PARD3: variants seen among roughly 807,000 people sequenced by gnomAD.
PARD3 encodes the protein partitioning defective 3 homolog.
A neutral mutation model predicts 155.4 loss-of-function variants in PARD3; 75 were observed. The ratio of observed to expected loss-of-function variants is 0.48; its 90% CI spans 0.40 to 0.58. The LOEUF (loss-of-function observed/expected upper bound fraction) is 0.58, where lower values mean the gene tolerates loss of function less well. Ranked by LOEUF, PARD3 falls within the 20% of genes least tolerant of loss-of-function variation. The pLI is 0.00. For missense variants in PARD3, 1,642 were observed against 1,721.7 expected (o/e 0.95, Z 0.82); for synonymous variants, 576 against 610.5 (o/e 0.94, Z 0.83).
chr10:34,666,777 TAAAAAA>T lies in PARD3; in HGVS notation c.222+29535_222+29540del, dbSNP rs771593408. Among the ~76,000 whole-genome samples the T allele has an allele frequency of 7.9e-3, 135 of 17,070 alleles. 4 individuals carry two copies. The highest frequency in any genetic ancestry group is 0.018 in the African/African-American group (129 of 7,056). The allele number at this position is 17,070 out of a possible 152,430, so 11.2% of individuals were successfully genotyped here. A position where few individuals can be genotyped will look rare whatever the true frequency, so the allele number is the denominator to read the frequency against. On this transcript the variant is annotated intron_variant, in intron 2 of 24. Transcript: ENST00000374788. ...CTTCCACCTCACCTACCCCTCCCCC[TAAAAAA>T]AAAAAAAAAAAAAATATATATATAT...
At chr10:34,210,606 A>G (rs1951699123) in intron 22 of PARD3, among the ~76,000 whole-genome samples, 1 of 152,192 alleles carries the variant, frequency 6.6e-6, no homozygotes, top group Non-Finnish European at 1.5e-5. Context: ...CATAGTAGAT[A>G]TTAATGATCA....
intron 20 of PARD3, chr10:34,312,212 C>A: frequency 1.3e-6 from 2 of 1,486,734 alleles, no homozygotes; most frequent in Non-Finnish European, 9.1e-7. Context: ...AATTACTAAA[C>A]CATCAAACTG....
At chr10:34,613,907 T>C (rs958301667) in intron 2 of PARD3, among the ~76,000 whole-genome samples, 13 of 152,196 alleles carry the variant, frequency 8.5e-5, no homozygotes, top group Non-Finnish European at 1.6e-4. Context: ...ATTTATCATC[T>C]ATTGTCAGCA....
In PARD3 at chr10:34,252,573, C is replaced by T. The variant is rs967291263; in HGVS notation, c.3419+17084G>A. Among the ~76,000 whole-genome samples, 5 of 152,154 alleles carry T rather than the reference C, an allele frequency of 3.3e-5. No individual in the cohort carries two copies. The South Asian group carries it at 6.2e-4, about 19-fold the overall frequency. On this transcript the variant is annotated intron_variant, in intron 22 of 24. Coordinates refer to ENST00000374788, the MANE Select transcript of PARD3 (RefSeq NM_001184785.2). Reference sequence around the variant, plus strand: ...CAGTGATCTGAAAGGGAAATGGCAGCGGCCCTTGCTGATCTGTGTCTCAGC... The same window carrying T: ...CAGTGATCTGAAAGGGAAATGGCAGTGGCCCTTGCTGATCTGTGTCTCAGC...
At chr10:34,773,794 C>T (rs1839196983) in intron 1 of PARD3, among the ~76,000 whole-genome samples, 2 of 152,158 alleles carry the variant, frequency 1.3e-5, no homozygotes, top group South Asian at 4.1e-4. Context: ...CCACTAGGCA[C>T]TTAATGTTCT....
chr10:34,371,394 T>C (rs954550338), intron 12 of PARD3, among the ~76,000 whole-genome samples: 1 of 149,540 alleles, frequency 6.7e-6, no homozygotes, highest in Non-Finnish European at 1.5e-5. Context: ...TTGTCACCTG[T>C]TTTTAGAATT....
intron 1 of PARD3, among the ~76,000 whole-genome samples, chr10:34,718,671 A>G (rs2094558656): frequency 6.7e-6 from 1 of 148,748 alleles, no homozygotes; most frequent in Non-Finnish European, 1.5e-5. Context: ...CTCAAAAATA[A>G]AAATAAATTG....
chr10:34,278,467 T>C (rs1438193465), intron 21 of PARD3, among the ~76,000 whole-genome samples: 1 of 152,162 alleles, frequency 6.6e-6, no homozygotes, highest in African/African-American at 2.4e-5. Context: ...CCAAATCTCA[T>C]TGTGAATTGT....
At chr10:34,340,617 A>G (rs551344632) in intron 16 of PARD3, among the ~76,000 whole-genome samples, 1 of 152,324 alleles carries the variant, frequency 6.6e-6, no homozygotes, top group South Asian at 2.1e-4. Context: ...CCAAGAGAAC[A>G]TCTTCATAAT....
chr10:34,278,825 T>C (rs1956017228), intron 21 of PARD3, among the ~76,000 whole-genome samples: 2 of 152,208 alleles, frequency 1.3e-5, no homozygotes, highest in African/African-American at 4.8e-5. Context: ...ACACTTAATA[T>C]ATTGTGAAAC....
chr10:34,138,949 C>T (rs1948042422), intron 22 of PARD3, among the ~76,000 whole-genome samples: 1 of 140,818 alleles, frequency 7.1e-6, no homozygotes, highest in African/African-American at 2.6e-5. Context: ...GGAAATAATG[C>T]AATACCACAC....
chr10:34,800,800 T>C (rs1410063953), intron 1 of PARD3, among the ~76,000 whole-genome samples: 1 of 151,094 alleles, frequency 6.6e-6, no homozygotes, highest in Non-Finnish European at 1.5e-5. Flanking sequence ...AGATAAATAA[T>C]GCCCCTGATA....
chr10:34,725,730 A>G (rs894783609), intron 1 of PARD3, among the ~76,000 whole-genome samples: 1 of 152,228 alleles, frequency 6.6e-6, no homozygotes, highest in African/African-American at 2.4e-5. Context: ...TCCAACCAAG[A>G]ACAAGTGAAT....
At chr10:34,745,494 A>G (rs2133911519) in intron 1 of PARD3, among the ~76,000 whole-genome samples, 1 of 151,734 alleles carries the variant, frequency 6.6e-6, no homozygotes, top group South Asian at 2.1e-4. Flanking sequence ...AAAGGGAAGA[A>G]AGAAATGAAT....
At chr10:34,542,655 G>T (rs1261809329) in intron 2 of PARD3, among the ~76,000 whole-genome samples, 3 of 152,182 alleles carry the variant, frequency 2.0e-5, no homozygotes, top group Non-Finnish European at 2.9e-5. Flanking sequence ...CAAAGTAAGT[G>T]TAACAGTAGC....
In PARD3 at chr10:34,378,249, T is replaced by G. The variant is rs1451133016; in HGVS notation, c.1400-143A>C. On this transcript the variant is annotated intron_variant, in intron 9 of 24. Transcript: ENST00000374788. ...ATTTCTTCTACTACTTTAAAAGTTG[T>G]AATAAATTTTTCAAAATAGACTAAA... 15 of 608,100 alleles carry G rather than the reference T, an allele frequency of 2.5e-5. No individual in the cohort carries two copies. The East Asian group carries it at 4.7e-4, about 19-fold the overall frequency. 37.7% of individuals were successfully genotyped at this position (608,100 alleles called of 1,614,324 possible).
intron 3 of PARD3, among the ~76,000 whole-genome samples, chr10:34,475,403 A>AGG (rs1564754216): frequency 6.6e-6 from 1 of 152,256 alleles, no homozygotes; most frequent in African/African-American, 2.4e-5. Flanking sequence ...ACAAATATGT[A>AGG]GCTGGAAGAG....
intron 1 of PARD3, among the ~76,000 whole-genome samples, chr10:34,746,707 C>T (rs765826555): frequency 6.6e-6 from 1 of 152,152 alleles, no homozygotes; most frequent in Admixed American, 6.5e-5. Context: ...TATGTACATA[C>T]CCAATTTCCT....
chr10:34,713,486 G>A (rs926011244), intron 1 of PARD3, among the ~76,000 whole-genome samples: 14 of 152,056 alleles, frequency 9.2e-5, no homozygotes, highest in Non-Finnish European at 1.9e-4. Flanking sequence ...GGCCAGGTGC[G>A]GTGGCTCACA....
Sources: allele counts gnomAD v4.1 joint callset (sites outside exome capture counted in the v4.1 genomes callset), GRCh38; gene constraint gnomAD v4.1.1; transcripts MANE v1.5; gene names NCBI Gene and HGNC (gene_info 2026-07-23, HGNC 2026-07-21).